PXN: variants seen among roughly 807,000 people sequenced by gnomAD.
PXN encodes testicular tissue protein Li 134.
A neutral mutation model predicts 103.6 loss-of-function variants in PXN; 61 were observed. The observed-to-expected ratio is 0.59, with a 90% CI of 0.48 to 0.73. PXN has a LOEUF of 0.73. PXN is among the 30% of genes least tolerant of loss of function. The pLI is 0.00. For missense variants in PXN, 1,274 were observed against 1,460.3 expected (o/e 0.87, Z 2.08); for synonymous variants, 562 against 607.8 (o/e 0.92, Z 1.11).
At chr12:120,263,213 T>C (rs145771721) in intron 1 of PXN, among the ~76,000 whole-genome samples, 408 of 151,748 alleles carry the variant, frequency 2.7e-3, no homozygotes, top group African/African-American at 8.6e-3. Context: ...AAACAGCTGA[T>C]GGCAGTGTGC....
rs775706363 is a variant in PXN, at chr12:120,221,375, G to A, written c.831+248C>T. 3.0e-4 allele frequency among the ~76,000 whole-genome samples: 45 copies of A among 152,160 alleles called. No individual in the cohort carries two copies. Among genetic ancestry groups the A allele is most frequent in the Non-Finnish European group, 5.9e-4 (40 of 68,022 alleles). On this transcript the variant is annotated intron_variant, in intron 6 of 14. Coordinates refer to ENST00000637617, the MANE Select transcript of PXN (RefSeq NM_001385981.1). This position sits in a 1 kb window ranked among gnomAD's most constrained non-coding sequence, Gnocchi z 6.6. ...TGGGAGCACCCAGGGAGGAAGGAAT[G>A]TCCCAGCTGAGCACTTCTCCAGCTT...
At chr12:120,233,007 T>G (rs1888357970) in intron 1 of PXN, among the ~76,000 whole-genome samples, 1 of 152,138 alleles carries the variant, frequency 6.6e-6, no homozygotes, top group African/African-American at 2.4e-5. Context: ...ACATCAATTC[T>G]TCCTTCGCGG....
In PXN at chr12:120,216,116, G is replaced by A; in HGVS notation, c.2301+157C>T. The A allele has an allele frequency of 7.8e-7, 1 of 1,286,446 alleles. No individual in the cohort carries two copies. The highest frequency in any genetic ancestry group is 9.8e-7 in the Non-Finnish European group (1 of 1,019,066). 79.7% of individuals were successfully genotyped at this position (1,286,446 alleles called of 1,614,324 possible). ...CTGAGTGGGGGAAGACCGGGGTCAA[G>A]GTTTACGGCAGGACTGTGGTTACTG... On this transcript the variant is annotated intron_variant, in intron 9 of 14. Transcript: ENST00000637617. The surrounding 1 kb of genome is among the most constrained non-coding windows in gnomAD (Gnocchi z 5.1).
rs1326155546 is a variant in PXN, at chr12:120,265,402, G to C, written c.13+215C>G. On this transcript the variant is annotated intron_variant, in intron 1 of 14. Transcript: ENST00000637617. This position sits in a 1 kb window ranked among gnomAD's most constrained non-coding sequence, Gnocchi z 5.7. ...GAGGTGAAGCCGTCCCAGACGGGGG[G>C]TCGCTGCTGTGCGGTCGGTGCCGGG... 6.6e-6 allele frequency among the ~76,000 whole-genome samples: 1 copy of C among 152,096 alleles called. No homozygotes were observed. The highest frequency in any genetic ancestry group is 1.5e-5 in the Non-Finnish European group (1 of 67,982).
In PXN at chr12:120,221,371, G is replaced by A. The variant is rs1885107934; in HGVS notation, c.831+252C>T. On this transcript the variant is annotated intron_variant, in intron 6 of 14. Transcript: ENST00000637617. This position sits in a 1 kb window ranked among gnomAD's most constrained non-coding sequence, Gnocchi z 6.6. Reference sequence around the variant, plus strand: ...AGGCTGGGAGCACCCAGGGAGGAAGGAATGTCCCAGCTGAGCACTTCTCCA... The same window carrying A: ...AGGCTGGGAGCACCCAGGGAGGAAGAAATGTCCCAGCTGAGCACTTCTCCA... 6.6e-6 allele frequency among the ~76,000 whole-genome samples: 1 copy of A among 152,124 alleles called. No homozygotes were observed. The highest frequency in any genetic ancestry group is 2.4e-5 in the African/African-American group (1 of 41,398).
At chr12:120,248,417 A>AG (rs1891541409) in intron 1 of PXN, among the ~76,000 whole-genome samples, 1 of 151,666 alleles carries the variant, frequency 6.6e-6, no homozygotes, top group African/African-American at 2.4e-5. Flanking sequence ...CACTGCCCTC[A>AG]GCAGACACCT....
intron 1 of PXN, among the ~76,000 whole-genome samples, chr12:120,259,623 C>T (rs1241117942): frequency 6.6e-6 from 1 of 152,136 alleles, no homozygotes; most frequent in African/African-American, 2.4e-5. Flanking sequence ...GCATCCAAGG[C>T]CTCCCTGGAG....
rs1566444593 is a variant in PXN at position 120,265,155 on chromosome 12, A to AGGGAGCAGCCCATGAGATCGGAGC, written c.13+461_13+462insGCTCCGATCTCATGGGCTGCTCCC. 7.4e-6 allele frequency among the ~76,000 whole-genome samples: 1 copy of AGGGAGCAGCCCATGAGATCGGAGC among 134,578 alleles called. No homozygotes were observed. Among genetic ancestry groups the AGGGAGCAGCCCATGAGATCGGAGC allele is most frequent in the Non-Finnish European group, 1.5e-5 (1 of 64,856 alleles). 88.3% of individuals were successfully genotyped at this position (134,578 alleles called of 152,430 possible). ...GGACGGGGAGCAGGTCGAGGAAATG[A>AGGGAGCAGCCCATGAGATCGGAGC]GGGAGCAGCCCATGAGATCGGGCAG... On this transcript the variant is annotated intron_variant, in intron 1 of 14. Coordinates refer to ENST00000637617, the MANE Select transcript of PXN (RefSeq NM_001385981.1). This position sits in a 1 kb window ranked among gnomAD's most constrained non-coding sequence, Gnocchi z 5.7.
In PXN at chr12:120,222,901, A is replaced by T; in HGVS notation, c.455T>A (p.Leu152Gln). The change falls in exon 4 of 15, where the codon CTG (leucine) becomes CAG (glutamine). Residue 152 changes from leucine (L) to glutamine (Q), a missense_variant. Leu to Gln is a moderately radical substitution (Grantham distance 113). This residue lies in a region of PXN where 1,178 missense variants were observed against 1,309.0 expected (regional missense o/e 0.90). Coordinates refer to ENST00000637617, the MANE Select transcript of PXN (RefSeq NM_001385981.1). The surrounding 1 kb of genome is among the most constrained non-coding windows in gnomAD (Gnocchi z 4.7). ...TGGCGGGTTATGCTGTACAGCGTTC[A>T]GTTCCAGCAGCAGGCGGTCGAGTTC... is the stretch of plus-strand genomic sequence containing the variant. Reference protein sequence around the residue: ...LSELDRLLLELNAVQHNPPGF... With the variant: ...LSELDRLLLEQNAVQHNPPGF... 1.2e-6 allele frequency: 2 copies of T among 1,613,964 alleles called. No individual in the cohort carries two copies. The highest frequency in any genetic ancestry group is 1.7e-6 in the Non-Finnish European group (2 of 1,179,878).
In PXN at chr12:120,215,091, C is replaced by CT. The variant is rs756248268; in HGVS notation, c.2574+11_2574+12insA. The CT allele has an allele frequency of 5.0e-6, 8 of 1,585,936 alleles. No individual in the cohort carries two copies. Among genetic ancestry groups the CT allele is most frequent in the Non-Finnish European group, 6.9e-6 (8 of 1,164,044 alleles). Reference sequence around the variant, plus strand: ...TCCACTGGCCACACCCCTGCCCACTCCCCCTCATCACCTGCCCGGCGATGG... The same window carrying CT: ...TCCACTGGCCACACCCCTGCCCACTCTCCCCTCATCACCTGCCCGGCGATGG... On this transcript the variant is annotated intron_variant, in intron 11 of 14. Transcript: ENST00000637617. The surrounding 1 kb of genome is among the most constrained non-coding windows in gnomAD (Gnocchi z 4.9).
In PXN at chr12:120,216,982, C is replaced by T; in HGVS notation, c.1851G>A (p.Leu617=). The change falls in exon 8 of 15, where the codon CTG becomes CTA. Residue 617 remains leucine (L), a synonymous_variant. Transcript: ENST00000637617. This position sits in a 1 kb window ranked among gnomAD's most constrained non-coding sequence, Gnocchi z 5.1. ...TPSQEQLIAE[L]QGRLGIQPEA... Reference sequence around the variant, plus strand: ...CAGGCTGGATGCCCAGCCGCCCCTGCAGCTCCGCGATGAGCTGTTCCTGGG... The same window carrying T: ...CAGGCTGGATGCCCAGCCGCCCCTGTAGCTCCGCGATGAGCTGTTCCTGGG... 6.5e-7 allele frequency: 1 copy of T among 1,549,542 alleles called. No individual in the cohort carries two copies. Among genetic ancestry groups the T allele is most frequent in the Non-Finnish European group, 8.7e-7 (1 of 1,154,498 alleles).
chr12:120,213,010 G>T lies in PXN; in HGVS notation c.2980-430C>A, dbSNP rs1191452519. 6.2e-6 allele frequency: 1 copy of T among 161,436 alleles called. No individual in the cohort carries two copies. Among genetic ancestry groups the T allele is most frequent in the East Asian group, 1.8e-4 (1 of 5,460 alleles). 10.0% of individuals were successfully genotyped at this position (161,436 alleles called of 1,614,324 possible). A position where few individuals can be genotyped will look rare whatever the true frequency, so the allele number is the denominator to read the frequency against. On this transcript the variant is annotated intron_variant, in intron 14 of 14. Transcript: ENST00000637617. This position sits in a 1 kb window ranked among gnomAD's most constrained non-coding sequence, Gnocchi z 4.2. ...TGTAACAGTGTTCCCAGAAACACAG[G>T]TGTGACACTGGTCTGTAGTCAAACT...
chr12:120,219,831 C>A lies in PXN; in HGVS notation c.1092G>T (p.Arg364Ser), dbSNP rs1289356403. The change falls in exon 7 of 15, where the codon AGG (arginine) becomes AGT (serine). Residue 364 changes from arginine to serine, a missense_variant. Transcript: ENST00000637617. The surrounding 1 kb of genome is among the most constrained non-coding windows in gnomAD (Gnocchi z 6.5). ...ACAGAGAACCCTCCACAGAGGGAGACCTTGAGTTGAAGGTGTCAGGCATCA... is the reference window on the plus strand; with the variant it reads ...ACAGAGAACCCTCCACAGAGGGAGAACTTGAGTTGAAGGTGTCAGGCATCA... ...LGVMPDTFNS[R>S]SPSVEGSLWA... The A allele has an allele frequency of 1.3e-6, 2 of 1,598,418 alleles. No individual in the cohort carries two copies. The highest frequency in any genetic ancestry group is 8.5e-7 in the Non-Finnish European group (1 of 1,179,800).
chr12:120,258,122 G>A (rs1039918119), intron 1 of PXN, among the ~76,000 whole-genome samples: 3 of 151,968 alleles, frequency 2.0e-5, no homozygotes, highest in Non-Finnish European at 4.4e-5. Flanking sequence ...GAACCTGGGA[G>A]GCAGAGGTTG....
At chr12:120,237,126 C>CGTGTGTGT (rs147625061) in intron 1 of PXN, among the ~76,000 whole-genome samples, 1 of 142,424 alleles carries the variant, frequency 7.0e-6, no homozygotes, top group East Asian at 2.1e-4. Context: ...TATGTATGTA[C>CGTGTGTGT]GTGTGTGTGT....
Position 120,213,406 on chromosome 12 carries a change from C to A in PXN, c.2979+436G>T, listed in dbSNP as rs1409771643. Among the ~76,000 whole-genome samples the A allele has an allele frequency of 6.6e-6, 1 of 152,170 alleles. No homozygotes were observed. Among genetic ancestry groups the A allele is most frequent in the African/African-American group, 2.4e-5 (1 of 41,454 alleles). ...AAAAAAGAAAAGAAAAGAAAAGGCT[C>A]TGAGAAGTCCTGCAGGGAACAGTGT... is the stretch of plus-strand genomic sequence containing the variant. On this transcript the variant is annotated intron_variant, in intron 14 of 14. Transcript: ENST00000637617. The surrounding 1 kb of genome is among the most constrained non-coding windows in gnomAD (Gnocchi z 4.2).
rs1594348876 is a variant in PXN at position 120,215,661 on chromosome 12, T to C, written c.2302A>G (p.Ile768Val). ...DEDPLFPPMQ[I>V]QGLEQRADGE... ...TCCGCTCTTTGCTCCAGGCCCTGGA[T>C]CTTAGATAGGGGAAGAGATGAGGGT... Residue 768 changes from isoleucine (I) to valine (V), a missense_variant and splice_region_variant, in exon 10 of 15, where the codon ATC becomes GTC. Transcript: ENST00000637617. This position sits in a 1 kb window ranked among gnomAD's most constrained non-coding sequence, Gnocchi z 4.9. The C allele has an allele frequency of 3.7e-6, 6 of 1,604,724 alleles. No homozygotes were observed. Among genetic ancestry groups the C allele is most frequent in the Non-Finnish European group, 5.1e-6 (6 of 1,177,144 alleles).
In PXN at chr12:120,217,226, A is replaced by C; in HGVS notation, c.1717-110T>G. 17 of 943,978 alleles carry C rather than the reference A, an allele frequency of 1.8e-5. No homozygotes were observed. Among genetic ancestry groups the C allele is most frequent in the East Asian group, 2.8e-5 (1 of 36,258 alleles). 58.5% of individuals were successfully genotyped at this position (943,978 alleles called of 1,614,324 possible). A position where few individuals can be genotyped will look rare whatever the true frequency, so the allele number is the denominator to read the frequency against. On this transcript the variant is annotated intron_variant, in intron 7 of 14. Transcript: ENST00000637617. The surrounding 1 kb of genome is among the most constrained non-coding windows in gnomAD (Gnocchi z 4.1). Reference sequence around the variant, plus strand: ...GAGGGAGCACAAAAGAAAACCACCAAAGAACCAAGCGGAGGTGGGTGGAGG... The same window carrying C: ...GAGGGAGCACAAAAGAAAACCACCACAGAACCAAGCGGAGGTGGGTGGAGG...
Position 120,220,693 on chromosome 12 carries a change from G to A in PXN, c.832-602C>T, listed in dbSNP as rs1196550081. On this transcript the variant is annotated intron_variant, in intron 6 of 14. Coordinates refer to ENST00000637617, the MANE Select transcript of PXN (RefSeq NM_001385981.1). This position sits in a 1 kb window ranked among gnomAD's most constrained non-coding sequence, Gnocchi z 6.1. ...ACTTGCTTCTGACCATGGCTGCTCA[G>A]AACCACTGGCCTGGAGCTGGAACTA... Among the ~76,000 whole-genome samples, 2 of 152,164 alleles carry A rather than the reference G, an allele frequency of 1.3e-5. No individual in the cohort carries two copies. The highest frequency in any genetic ancestry group is 2.9e-5 in the Non-Finnish European group (2 of 68,040).
Sources: gnomAD v4.1 joint callset for allele counts (sites outside exome capture counted in the v4.1 genomes callset) on GRCh38, gnomAD v4.1.1 for gene constraint, gnomAD v4.1.1 regional missense constraint, Gnocchi (gnomAD v3.1) non-coding constraint, MANE v1.5 for transcripts, NCBI Gene and HGNC (gene_info 2026-07-23, HGNC 2026-07-21) for gene names.